The following TMPRSS11B variants were observed in gnomAD, a reference collection of about 807,000 sequenced individuals.
TMPRSS11B encodes transmembrane protease serine 11B.
In TMPRSS11B, 53 loss-of-function variants were observed where a neutral mutation model predicts 44.7. The ratio of observed to expected loss-of-function variants is 1.19; its 90% CI spans 0.95 to 1.49. The LOEUF (loss-of-function observed/expected upper bound fraction) is 1.49. Among genes scored for constraint, TMPRSS11B ranks in the 40% most tolerant of loss-of-function variants. TMPRSS11B has a pLI of 0.00. For missense variants in TMPRSS11B, 526 were observed against 494.8 expected, an observed-to-expected ratio of 1.06 and a Z score of -0.60; for synonymous variants, 140 against 159.2, an observed-to-expected ratio of 0.88 and a Z score of 0.91.
chr4:68,238,540 T>C (rs1000073285), intron 2 of TMPRSS11B, among the ~76,000 whole-genome samples: 4 of 146,944 alleles, frequency 2.7e-5, no homozygotes, highest in African/African-American at 1.0e-4. Context: ...CTAGCCAACA[T>C]GGTGAAACCC....
chr4:68,242,337 T>TATATTATATATATATTATATATGTA lies in TMPRSS11B; in HGVS notation c.9-534_9-533insTACATATATAATATATATATAATAT, dbSNP rs1553896881. Among the ~76,000 whole-genome samples the TATATTATATATATATTATATATGTA allele has an allele frequency of 2.2e-3, 70 of 31,928 alleles. 3 individuals carry two copies. In the East Asian group the frequency reaches 0.056, roughly 25 times the overall value. 20.9% of individuals were successfully genotyped at this position (31,928 alleles called of 152,430 possible). ...ATATTATATATATAATATTATATTA[T>TATATTATATATATATTATATATGTA]ATATATATTATATATAATATTATAT... On this transcript the variant is annotated intron_variant, in intron 1 of 9. Transcript: ENST00000332644.
chr4:68,241,902 T>C (rs918611563), intron 1 of TMPRSS11B, 98 bp from the exon 2 acceptor site: 2 of 723,194 alleles, frequency 2.8e-6, no homozygotes, highest in Admixed American at 2.1e-5. Context: ...AGTTTATACA[T>C]TAGTCCTTTA....
chr4:68,228,739 T>C lies in TMPRSS11B; in HGVS notation c.1089+3A>G. 1 of 1,607,318 alleles carries C rather than the reference T, an allele frequency of 6.2e-7. No homozygotes were observed. The highest frequency in any genetic ancestry group is 8.5e-7 in the Non-Finnish European group (1 of 1,177,574). On this transcript the variant is annotated splice_donor_region_variant and intron_variant, in intron 9 of 9. Coordinates refer to ENST00000332644, the MANE Select transcript of TMPRSS11B (RefSeq NM_182502.3). ...AACAACTGGATAATGTAACTAGACA[T>C]ACCTGACATGCATCAGCTTCTCCTG...
At chr4:68,235,275 A>G (rs1327319110) in intron 4 of TMPRSS11B, among the ~76,000 whole-genome samples, 2 of 152,248 alleles carry the variant, frequency 1.3e-5, no homozygotes, top group Non-Finnish European at 2.9e-5. Flanking sequence ...CCATAATTTC[A>G]CTTTCAAATA....
At position 68,238,337 on chromosome 4, in the gene TMPRSS11B, A is replaced by G. The variant is rs144410192; in HGVS notation, c.125-2071T>C. Among the ~76,000 whole-genome samples the G allele has an allele frequency of 9.7e-4, 147 of 152,300 alleles. 1 individual carries two copies. Among genetic ancestry groups the G allele is most frequent in the African/African-American group, 3.1e-3 (127 of 41,576 alleles). ...AAGTTACCTGAAAAGATGAATGCAT[A>G]TGAAGCTAGAGGAGCTAGTTCCAGC... On this transcript the variant is annotated intron_variant, in intron 2 of 9. Coordinates refer to ENST00000332644, the MANE Select transcript of TMPRSS11B (RefSeq NM_182502.3).
At chr4:68,243,586 T>C (rs1342913233) in intron 1 of TMPRSS11B, among the ~76,000 whole-genome samples, 1 of 152,106 alleles carries the variant, frequency 6.6e-6, no homozygotes, top group Non-Finnish European at 1.5e-5. Context: ...AATATCAGCC[T>C]CACAGAAAAA....
chr4:68,237,935 T>A (rs1488402334), intron 2 of TMPRSS11B, among the ~76,000 whole-genome samples: 1 of 152,070 alleles, frequency 6.6e-6, no homozygotes, highest in Non-Finnish European at 1.5e-5. Context: ...GAGAATTGCT[T>A]GGGCCCAGGA....
chr4:68,244,744 T>C (rs188753015), intron 1 of TMPRSS11B, among the ~76,000 whole-genome samples: 1 of 152,196 alleles, frequency 6.6e-6, no homozygotes, highest in South Asian at 2.1e-4. Context: ...TTTAACCACT[T>C]TTGGGCACTG....
At chr4:68,243,911 A>G (rs1719933090) in intron 1 of TMPRSS11B, among the ~76,000 whole-genome samples, 1 of 152,166 alleles carries the variant, frequency 6.6e-6, no homozygotes, top group South Asian at 2.1e-4. Flanking sequence ...TCTGAAGAGT[A>G]CATATTATTG....
At chr4:68,233,732 T>C (rs1011795143) in intron 5 of TMPRSS11B, among the ~76,000 whole-genome samples, 14 of 152,144 alleles carry the variant, frequency 9.2e-5, no homozygotes, top group African/African-American at 2.9e-4. Flanking sequence ...TTAAAAGTGG[T>C]ATTACTCCAG....
At chr4:68,233,334 G>A (rs772304158) in intron 5 of TMPRSS11B, among the ~76,000 whole-genome samples, 8 of 152,152 alleles carry the variant, frequency 5.3e-5, no homozygotes, top group East Asian at 1.9e-4. Context: ...TCAAGCCCTC[G>A]AAGACCCTAG....
chr4:68,241,579 T>C (rs577229910), intron 2 of TMPRSS11B, 110 bp downstream of exon 2: 1 of 716,214 alleles, frequency 1.4e-6, no homozygotes, highest in Admixed American at 2.9e-5. Context: ...AATAAAATAG[T>C]AAATAAGAAA....
chr4:68,227,922 T>C lies in TMPRSS11B; in HGVS notation c.1240A>G (p.Thr414Ala). The C allele has an allele frequency of 6.2e-7, 1 of 1,611,390 alleles. No homozygotes were observed. The highest frequency in any genetic ancestry group is 8.5e-7 in the Non-Finnish European group (1 of 1,179,132). Reference protein sequence around the residue: ...TSYRNWITSKTGL With the variant: ...TSYRNWITSKAGL ...TAATTCCTTTTTTTTCAGAGTCCAGTCTTGGATGTAATCCAATTGCGATAA... is the reference window on the plus strand; with the variant it reads ...TAATTCCTTTTTTTTCAGAGTCCAGCCTTGGATGTAATCCAATTGCGATAA... Residue 414 changes from threonine (T) to alanine (A), a missense_variant, in exon 10 of 10, where the codon ACT becomes GCT. Coordinates refer to ENST00000332644, the MANE Select transcript of TMPRSS11B (RefSeq NM_182502.3).
At chr4:68,239,269 C>T (rs1014987277) in intron 2 of TMPRSS11B, among the ~76,000 whole-genome samples, 5 of 146,184 alleles carry the variant, frequency 3.4e-5, no homozygotes, top group South Asian at 2.1e-4. Flanking sequence ...CTCTCGCGCG[C>T]GCGCTCTCTC....
At chr4:68,236,393 CA>C (rs1183486621) in intron 2 of TMPRSS11B, 127 bp from the exon 3 acceptor site, 1 of 618,574 alleles carries the variant, frequency 1.6e-6, no homozygotes, top group Non-Finnish European at 2.8e-6. Context: ...CTGCCTCAAC[CA>C]TTTATACCTC....
intron 5 of TMPRSS11B, among the ~76,000 whole-genome samples, chr4:68,234,109 C>T (rs1411285404): frequency 2.0e-5 from 3 of 151,296 alleles, no homozygotes; most frequent in Non-Finnish European, 2.9e-5. Flanking sequence ...TTCAGTGAGC[C>T]GAGATCACGC....
chr4:68,240,140 A>G (rs1259277458), intron 2 of TMPRSS11B, among the ~76,000 whole-genome samples: 1 of 152,182 alleles, frequency 6.6e-6, no homozygotes, highest in Non-Finnish European at 1.5e-5. Flanking sequence ...TGCTACTTAA[A>G]TGAGGGATTA....
chr4:68,242,924 G>T (rs1298326499), intron 1 of TMPRSS11B, among the ~76,000 whole-genome samples: 1 of 152,142 alleles, frequency 6.6e-6, no homozygotes, highest in African/African-American at 2.4e-5. Flanking sequence ...TAAATTAATA[G>T]ATCAGTTAGT....
At chr4:68,240,546 T>A (rs1413024179) in intron 2 of TMPRSS11B, among the ~76,000 whole-genome samples, 1 of 152,190 alleles carries the variant, frequency 6.6e-6, no homozygotes, top group Non-Finnish European at 1.5e-5. Flanking sequence ...AGGGGACCTG[T>A]TAAGATGCAA....
Sources: allele counts gnomAD v4.1 joint callset (sites outside exome capture counted in the v4.1 genomes callset), GRCh38; gene constraint gnomAD v4.1.1; transcripts MANE v1.5; gene names NCBI Gene and HGNC (gene_info 2026-07-23, HGNC 2026-07-21).